The following EML6 variants were observed in gnomAD, a reference collection of about 807,000 sequenced individuals.
EML6 encodes the protein echinoderm microtubule-associated protein-like 6.
A neutral mutation model predicts 240.1 loss-of-function variants in EML6; 154 were observed. That is an observed-to-expected ratio of 0.64 (90% CI 0.56 to 0.73). The LOEUF (loss-of-function observed/expected upper bound fraction) is 0.73. EML6 is among the 30% of genes least tolerant of loss of function. The pLI is 0.00. For missense variants in EML6, 2,964 were observed against 2,474.6 expected (o/e 1.20, Z -4.20); for synonymous variants, 1,148 against 899.0 (o/e 1.28, Z -4.95).
intron 2 of EML6, among the ~76,000 whole-genome samples, chr2:54,789,326 A>T (rs1669269829): frequency 6.6e-6 from 1 of 151,794 alleles, no homozygotes; most frequent in East Asian, 1.9e-4. Context: ...ATCCTGGCTA[A>T]CACGGTGAAA....
chr2:54,737,038 G>A (rs2103626222), intron 2 of EML6, among the ~76,000 whole-genome samples: 1 of 152,320 alleles, frequency 6.6e-6, no homozygotes, highest in East Asian at 1.9e-4. Flanking sequence ...ATTGGGTGGA[G>A]AGGGGTTGCT....
intron 26 of EML6, among the ~76,000 whole-genome samples, chr2:54,923,117 T>A (rs1011332760): frequency 3.3e-5 from 5 of 151,836 alleles, no homozygotes; most frequent in African/African-American, 1.2e-4. Flanking sequence ...AATTTTGTAA[T>A]TTTGGTAGAG....
chr2:54,923,373 A>G (rs201734637), intron 26 of EML6, among the ~76,000 whole-genome samples: 38,845 of 141,100 alleles, frequency 0.28, 5,082 homozygotes, highest in East Asian at 0.47. Context: ...AAACGCACAC[A>G]CACACACACA....
At chr2:54,807,425 T>C (rs1412363913) in intron 2 of EML6, among the ~76,000 whole-genome samples, 1 of 152,212 alleles carries the variant, frequency 6.6e-6, no homozygotes, top group Non-Finnish European at 1.5e-5. Context: ...TGACACGCTT[T>C]TATGTTTATT....
chr2:54,897,275 C>T (rs891778), intron 21 of EML6, among the ~76,000 whole-genome samples: 133,130 of 152,206 alleles, frequency 0.87, 58,250 homozygotes, highest in Admixed American at 0.89. Flanking sequence ...TATGCTTGAC[C>T]AAGGCTTTTC....
intron 26 of EML6, among the ~76,000 whole-genome samples, chr2:54,926,029 G>A (rs955395055): frequency 1.3e-5 from 2 of 152,180 alleles, no homozygotes; most frequent in African/African-American, 4.8e-5. Context: ...GTAGGGGAGA[G>A]TGCACAGCTT....
chr2:54,807,524 T>G (rs1223271522), intron 2 of EML6, among the ~76,000 whole-genome samples: 1 of 152,214 alleles, frequency 6.6e-6, no homozygotes, highest in Non-Finnish European at 1.5e-5. Flanking sequence ...CTTAGTGATT[T>G]CCATGATGTA....
At chr2:54,916,301 C>T (rs565934672) in intron 25 of EML6, among the ~76,000 whole-genome samples, 26 of 152,298 alleles carry the variant, frequency 1.7e-4, no homozygotes, top group African/African-American at 6.3e-4. Context: ...GAACATTTGG[C>T]AATGCCTGGG....
At chr2:54,924,021 T>A (rs1179822872) in intron 26 of EML6, among the ~76,000 whole-genome samples, 1 of 152,236 alleles carries the variant, frequency 6.6e-6, no homozygotes, top group East Asian at 1.9e-4. Context: ...TGTTCATCCA[T>A]ATTCCTATGA....
chr2:54,960,565 G>C (rs1172692025), intron 35 of EML6, among the ~76,000 whole-genome samples: 1 of 152,190 alleles, frequency 6.6e-6, no homozygotes, highest in East Asian at 1.9e-4. Context: ...ACACAGGTTT[G>C]TCATGAGGTT....
chr2:54,969,386 C>T (rs1406361036), intron 41 of EML6, among the ~76,000 whole-genome samples: 1 of 152,162 alleles, frequency 6.6e-6, no homozygotes, highest in Non-Finnish European at 1.5e-5. Context: ...AAGAAAGGCA[C>T]CTATAAAGAA....
intron 26 of EML6, among the ~76,000 whole-genome samples, chr2:54,926,535 A>G (rs1674555598): frequency 6.6e-6 from 1 of 152,240 alleles, no homozygotes. Context: ...ATTCATCCCA[A>G]TGGCTGTGCC....
At chr2:54,755,589 GTTTTGATGC>G (rs1353863457) in intron 2 of EML6, among the ~76,000 whole-genome samples, 1 of 152,104 alleles carries the variant, frequency 6.6e-6, no homozygotes, top group Non-Finnish European at 1.5e-5. Flanking sequence ...TATTTGATGG[GTTTTGATGC>G]TATTGCAGAT....
At chr2:54,822,796 G>A (rs1352127791) in intron 5 of EML6, among the ~76,000 whole-genome samples, 1 of 151,966 alleles carries the variant, frequency 6.6e-6, no homozygotes, top group Non-Finnish European at 1.5e-5. Flanking sequence ...ATACTTCATT[G>A]TAAAATTATT....
chr2:54,831,765 A>G (rs1456938719), intron 7 of EML6, among the ~76,000 whole-genome samples: 1 of 151,832 alleles, frequency 6.6e-6, no homozygotes, highest in Admixed American at 6.5e-5. Context: ...ATCATGTTCC[A>G]GTTTGAGTCC....
chr2:54,816,532 A>C (rs1668089912), intron 3 of EML6, among the ~76,000 whole-genome samples: 1 of 152,118 alleles, frequency 6.6e-6, no homozygotes, highest in South Asian at 2.1e-4. Flanking sequence ...ATCTCCTGAG[A>C]GTTTATATGT....
In EML6 at chr2:54,962,627, G is replaced by A; in HGVS notation, c.5073G>A (p.Trp1691Ter). 3.9e-6 allele frequency: 6 copies of A among 1,545,640 alleles called. No homozygotes were observed. The highest frequency in any genetic ancestry group is 5.2e-6 in the Non-Finnish European group (6 of 1,144,362). The change falls in exon 36 of 42, where the codon TGG (tryptophan) becomes TGA (stop). Residue 1691 changes from tryptophan (W) to a stop codon, truncating the protein, a stop_gained. Coordinates refer to ENST00000356458, the MANE Select transcript of EML6 (RefSeq NM_001039753.4). LOFTEE classifies it high-confidence loss of function. ...ATGGTCACATGGAAGGGGAGATCTG[G>A]GGCCTGGCCACTCACCCTTCCAAGG... ...LIDGHMEGEI[W>*]GLATHPSKDL...
intron 38 of EML6, among the ~76,000 whole-genome samples, chr2:54,965,413 G>T (rs72910854): frequency 0.045 from 6,804 of 152,296 alleles, 503 homozygotes; most frequent in African/African-American, 0.15. Context: ...CACCCAAGGG[G>T]TTCACCTTGC....
At position 54,964,083 on chromosome 2, in the gene EML6, T is replaced by C; in HGVS notation, c.5255T>C (p.Phe1752Ser). Residue 1752 changes from phenylalanine to serine, a missense_variant, in exon 37 of 42, where the codon TTT becomes TCT. Phe to Ser is a radical substitution (Grantham distance 155). Transcript: ENST00000356458. ...GCCATTGGCATGAAGAATGGAGAGT[T>C]TGTCATCTTGTTGGTGAACAGCCTG... ...MVAIGMKNGE[F>S]VILLVNSLKV... The C allele has an allele frequency of 6.4e-7, 1 of 1,551,712 alleles. No individual in the cohort carries two copies. Among genetic ancestry groups the C allele is most frequent in the Non-Finnish European group, 8.7e-7 (1 of 1,147,004 alleles).
Sources: allele counts gnomAD v4.1 joint callset (sites outside exome capture counted in the v4.1 genomes callset), GRCh38; gene constraint gnomAD v4.1.1; transcripts MANE v1.5; gene names NCBI Gene and HGNC (gene_info 2026-07-23, HGNC 2026-07-21).